TTC27: variants seen among roughly 807,000 people sequenced by gnomAD.
TTC27 encodes tetratricopeptide repeat domain 27.
TTC27 carries 79 observed loss-of-function variants against 115.9 expected under a neutral mutation model. The observed-to-expected ratio is 0.68, with a 90% confidence interval of 0.57 to 0.82. The LOEUF (loss-of-function observed/expected upper bound fraction) is 0.82, where lower values mean the gene tolerates loss of function less well. Among genes scored for constraint, TTC27 ranks in the 40% least tolerant of loss-of-function variants. The pLI is 0.00. For missense variants in TTC27, 1,054 were observed against 993.1 expected (o/e 1.06, Z -0.82); for synonymous variants, 401 against 356.0 (o/e 1.13, Z -1.42).
chr2:32,811,087 A>G lies in TTC27; in HGVS notation c.2062A>G (p.Thr688Ala), dbSNP rs1192898183. Reference protein sequence around the residue: ...GMTDRSGDVATGLKGKLQELF... With the variant: ...GMTDRSGDVAAGLKGKLQELF... ...GACTGATCGAAGTGGAGATGTTGCA[A>G]CTGGCCTCAAAGGAAAGCTGCAGGA... The change falls in exon 17 of 20, where the codon ACT (threonine) becomes GCT (alanine). Residue 688 changes from threonine (T) to alanine (A), a missense_variant. Transcript: ENST00000317907. The G allele has an allele frequency of 2.5e-6, 4 of 1,614,068 alleles. No individual in the cohort carries two copies. The highest frequency in any genetic ancestry group is 2.5e-6 in the Non-Finnish European group (3 of 1,180,036).
chr2:32,631,818 CTT>C (rs890198060), intron 2 of TTC27, among the ~76,000 whole-genome samples: 12 of 143,770 alleles, frequency 8.3e-5, no homozygotes, highest in Admixed American at 1.4e-4. Flanking sequence ...TTTCTTTTTT[CTT>C]TTTTTTTTTT....
In TTC27 at chr2:32,628,395, T is replaced by C; in HGVS notation, c.88+15T>C. On this transcript the variant is annotated intron_variant, in intron 1 of 19. Transcript: ENST00000317907. ...CGTCGGTTCAGGTGAGAGGCGCACC[T>C]ACCGGGCCTTAGGCTATCGTGGGAA... 6.4e-7 allele frequency: 1 copy of C among 1,570,568 alleles called. No individual in the cohort carries two copies. The highest frequency in any genetic ancestry group is 8.6e-7 in the Non-Finnish European group (1 of 1,161,564).
intron 12 of TTC27, among the ~76,000 whole-genome samples, chr2:32,737,028 C>T (rs1034052691): frequency 1.2e-4 from 19 of 152,140 alleles, no homozygotes; most frequent in African/African-American, 4.3e-4. Flanking sequence ...GCTTTGAAGA[C>T]GTGGGATTTT....
intron 16 of TTC27, among the ~76,000 whole-genome samples, chr2:32,791,520 A>G (rs749894339): frequency 1.3e-5 from 2 of 152,228 alleles, no homozygotes; most frequent in Non-Finnish European, 2.9e-5. Context: ...TGAAACCCAG[A>G]GAGCTTATAT....
rs1193416893 is a variant in TTC27 at position 32,729,722 on chromosome 2, C to T, written c.1234-4106C>T. ...CTCTCTCTCTGCTTGTTACCTTTTACGTTTATTCACATCTCTTCAGTCATC... is the reference window on the plus strand; with the variant it reads ...CTCTCTCTCTGCTTGTTACCTTTTATGTTTATTCACATCTCTTCAGTCATC... On this transcript the variant is annotated intron_variant, in intron 10 of 19. Transcript: ENST00000317907. Among the ~76,000 whole-genome samples the T allele has an allele frequency of 3.3e-5, 5 of 151,280 alleles. No individual in the cohort carries two copies. In the East Asian group the frequency reaches 5.8e-4, roughly 18 times the overall value.
chr2:32,693,808 C>T (rs994848496), intron 9 of TTC27, among the ~76,000 whole-genome samples: 1 of 151,970 alleles, frequency 6.6e-6, no homozygotes, highest in Non-Finnish European at 1.5e-5. Context: ...AAAGCGCTAA[C>T]AAAACAAAAA....
chr2:32,758,236 A>G, intron 12 of TTC27, 56 bp from the exon 13 acceptor site: 1 of 1,525,116 alleles, frequency 6.6e-7, no homozygotes. Context: ...ATGTGCTAAA[A>G]AAAAAAATAG....
intron 13 of TTC27, among the ~76,000 whole-genome samples, chr2:32,776,320 G>C (rs1157321419): frequency 2.6e-5 from 4 of 152,198 alleles, no homozygotes; most frequent in African/African-American, 7.2e-5. Flanking sequence ...TAGCCACATG[G>C]AACAAGTTTT....
At chr2:32,765,945 T>G (rs893444091) in intron 13 of TTC27, among the ~76,000 whole-genome samples, 14 of 152,198 alleles carry the variant, frequency 9.2e-5, no homozygotes, top group Admixed American at 9.2e-4. Flanking sequence ...TATGGCTGGT[T>G]TGATCTATCT....
chr2:32,730,574 A>T (rs994008692), intron 10 of TTC27, among the ~76,000 whole-genome samples: 2 of 151,630 alleles, frequency 1.3e-5, no homozygotes, highest in Non-Finnish European at 2.9e-5. Flanking sequence ...CTTTGGATCC[A>T]GTAGAGGAAG....
Position 32,819,103 on chromosome 2 carries a change from T to C in TTC27, c.2409+1546T>C, listed in dbSNP as rs78188520. ...TCTAATCAAAGTAGTTTACTTCTAC[T>C]ACTACCACAGTAGTTTACTTCTTCA... On this transcript the variant is annotated intron_variant, in intron 19 of 19. Transcript: ENST00000317907. Among the ~76,000 whole-genome samples the C allele has an allele frequency of 8.2e-3, 1,250 of 152,342 alleles. 9 individuals carry two copies. Among genetic ancestry groups the C allele is most frequent in the Non-Finnish European group, 0.013 (910 of 68,034 alleles).
Position 32,664,440 on chromosome 2 carries a change from A to G in TTC27, c.778A>G (p.Ile260Val). The G allele has an allele frequency of 6.2e-7, 1 of 1,605,356 alleles. No homozygotes were observed. The highest frequency in any genetic ancestry group is 8.5e-7 in the Non-Finnish European group (1 of 1,178,170). Reference sequence around the variant, plus strand: ...AGATCAGTTGGATATTGCTAAGGACATCAGCCAATTACAAATTGATTTGAC... The same window carrying G: ...AGATCAGTTGGATATTGCTAAGGACGTCAGCCAATTACAAATTGATTTGAC... Reference protein sequence around the residue: ...AKDQLDIAKDISQLQIDLTGA... With the variant: ...AKDQLDIAKDVSQLQIDLTGA... The change falls in exon 6 of 20, where the codon ATC becomes GTC. Residue 260 changes from isoleucine (I) to valine (V), a missense_variant. Physicochemically the swap from Ile to Val is conservative, Grantham distance 29. Coordinates refer to ENST00000317907, the MANE Select transcript of TTC27 (RefSeq NM_017735.5).
chr2:32,804,690 T>C (rs1192677836), intron 16 of TTC27, among the ~76,000 whole-genome samples: 1 of 152,006 alleles, frequency 6.6e-6, no homozygotes, highest in Non-Finnish European at 1.5e-5. Flanking sequence ...TTAGTAATGT[T>C]TGTGATTGGC....
intron 12 of TTC27, among the ~76,000 whole-genome samples, chr2:32,742,011 T>C (rs1263107835): frequency 6.6e-6 from 1 of 152,270 alleles, no homozygotes; most frequent in Non-Finnish European, 1.5e-5. Flanking sequence ...CATATTATTA[T>C]GTAATGCTAT....
intron 10 of TTC27, among the ~76,000 whole-genome samples, chr2:32,715,386 G>A (rs1235059949): frequency 1.3e-5 from 2 of 152,116 alleles, no homozygotes; most frequent in African/African-American, 4.8e-5. Flanking sequence ...TGTTGTAGGT[G>A]TGTGGCTCTG....
At chr2:32,647,747 A>G (rs1466623216) in intron 4 of TTC27, among the ~76,000 whole-genome samples, 3 of 152,142 alleles carry the variant, frequency 2.0e-5, no homozygotes, top group Non-Finnish European at 4.4e-5. Context: ...CTGAGGCAGG[A>G]GGATGGCTTG....
chr2:32,653,367 G>A (rs535845053), intron 5 of TTC27, among the ~76,000 whole-genome samples: 129 of 152,266 alleles, frequency 8.5e-4, no homozygotes, highest in African/African-American at 2.8e-3. Context: ...GGCTGACGCA[G>A]TGGATCACCT....
intron 9 of TTC27, among the ~76,000 whole-genome samples, chr2:32,687,420 C>T (rs1018780554): frequency 1.3e-5 from 2 of 151,566 alleles, no homozygotes; most frequent in African/African-American, 4.8e-5. Flanking sequence ...GGAACAACAA[C>T]AAAAAAGGGT....
rs145527007 is a variant in TTC27, at chr2:32,748,756, C to T, written c.1453-9536C>T. 9.3e-3 allele frequency among the ~76,000 whole-genome samples: 1,386 copies of T among 148,702 alleles called. 12 individuals carry two copies. The highest frequency in any genetic ancestry group is 0.025 in the Middle Eastern group (7 of 280). On this transcript the variant is annotated intron_variant, in intron 12 of 19. Coordinates refer to ENST00000317907, the MANE Select transcript of TTC27 (RefSeq NM_017735.5). The stretch of plus-strand genomic sequence containing the variant: ...AGGCTGGAGTGCAGTGGCGTGATCT[C>T]GGCTCACTGCAGCCTCTGCCTCCCA...
Sources: allele counts gnomAD v4.1 joint callset (sites outside exome capture counted in the v4.1 genomes callset), GRCh38; gene constraint gnomAD v4.1.1; transcripts MANE v1.5; gene names NCBI Gene and HGNC (gene_info 2026-07-23, HGNC 2026-07-21).